The following MANF variants were observed in gnomAD, a reference collection of about 807,000 sequenced individuals.
MANF encodes mesencephalic astrocyte derived neurotrophic factor.
In MANF, 9 loss-of-function variants were observed where a neutral mutation model predicts 19.1. The ratio of observed to expected loss-of-function variants is 0.47; its 90% confidence interval spans 0.28 to 0.82. The LOEUF (loss-of-function observed/expected upper bound fraction) is 0.82. Among genes scored for constraint, MANF ranks in the 40% least tolerant of loss-of-function variants. The probability of loss-of-function intolerance (pLI) is 0.10; values close to 1 mark genes in which losing one functional copy is unlikely to be tolerated. For synonymous variants in MANF, 89 were observed against 88.0 expected (o/e 1.01, Z -0.06); for missense variants, 225 against 226.7 (o/e 0.99, Z 0.05).
chr3:51,385,331 AG>A lies in MANF; in HGVS notation c.-10del. On this transcript the variant is annotated 5_prime_UTR_variant, in exon 1 of 4. Transcript: ENST00000528157. ...GCAGCGGAGGAGGAGGAGGAGGAGGAGGATGAGGAGGATGAGGAGGATGTGG... is the reference window on the plus strand; with the variant it reads ...GCAGCGGAGGAGGAGGAGGAGGAGGAGATGAGGAGGATGAGGAGGATGTGG... 9.1e-7 allele frequency: 1 copy of A among 1,096,524 alleles called. No individual in the cohort carries two copies. The highest frequency in any genetic ancestry group is 4.4e-5 in the Admixed American group (1 of 22,722). The allele number at this position is 1,096,524 out of a possible 1,614,324, so 67.9% of individuals were successfully genotyped here.
chr3:51,385,368 G>A lies in MANF; in HGVS notation c.26G>A (p.Gly9Glu). The A allele has an allele frequency of 1.6e-6, 2 of 1,240,028 alleles. No individual in the cohort carries two copies. The highest frequency in any genetic ancestry group is 2.0e-6 in the Non-Finnish European group (2 of 989,936). The allele number at this position is 1,240,028 out of a possible 1,614,324, so 76.8% of individuals were successfully genotyped here. Residue 9 changes from glycine (G) to glutamate (E), a missense_variant, in exon 1 of 4, where the codon GGG becomes GAG. Coordinates refer to ENST00000528157, the MANE Select transcript of MANF (RefSeq NM_006010.6). MRRMWATQ[G>E]LAVALALSVL... The stretch of plus-strand genomic sequence containing the variant: ...ATGAGGAGGATGTGGGCCACGCAGG[G>A]GCTGGCGGTGGCGCTGGCTCTGAGC...
At chr3:51,386,912 T>C (rs1553620967) in intron 2 of MANF, 1 of 456,772 alleles carries the variant, frequency 2.2e-6, no homozygotes, top group African/African-American at 2.0e-5. Context: ...GTTAAAGGTT[T>C]GAACCCTGGT....
intron 2 of MANF, chr3:51,386,807 C>T (rs1172214694): frequency 6.6e-6 from 3 of 452,534 alleles, no homozygotes; most frequent in Non-Finnish European, 1.3e-5. Flanking sequence ...AGGGTGCCTA[C>T]AGGATAGGCA....
rs1177863885 is a variant in MANF, at chr3:51,385,419, G to T, written c.77G>T (p.Arg26Leu). 2 of 1,236,666 alleles carry T rather than the reference G, an allele frequency of 1.6e-6. No homozygotes were observed. The highest frequency in any genetic ancestry group is 1.0e-6 in the Non-Finnish European group (1 of 989,296). 76.6% of individuals were successfully genotyped at this position (1,236,666 alleles called of 1,614,324 possible). ...LSVLPGSRALRPGDCEVCISY... is the reference protein window; with the variant it reads ...LSVLPGSRALLPGDCEVCISY... ...GTGCTGCCGGGCAGCCGGGCGCTGCGGCCGGGCGACTGCGAAGGTGCGGGA... is the reference window on the plus strand; with the variant it reads ...GTGCTGCCGGGCAGCCGGGCGCTGCTGCCGGGCGACTGCGAAGGTGCGGGA... Residue 26 changes from arginine (R) to leucine (L), a missense_variant, in exon 1 of 4, where the codon CGG becomes CTG. By Grantham distance (102) the Arg-to-Leu change is moderately radical. Coordinates refer to ENST00000528157, the MANE Select transcript of MANF (RefSeq NM_006010.6).
At chr3:51,386,975 G>C (rs1314704862) in intron 2 of MANF, 1 of 456,714 alleles carries the variant, frequency 2.2e-6, no homozygotes, top group Admixed American at 2.3e-5. Context: ...TGTGTTAAGA[G>C]TCCAGGGTTT....
chr3:51,386,745 G>C (rs2088965795), intron 2 of MANF, among the ~76,000 whole-genome samples: 1 of 152,236 alleles, frequency 6.6e-6, no homozygotes, highest in Non-Finnish European at 1.5e-5. Context: ...AGCAGTGTGA[G>C]TGCCCAGAGG....
At chr3:51,388,840 C>T in intron 3 of MANF, 65 bp from the exon 4 acceptor site, 1 of 1,264,808 alleles carries the variant, frequency 7.9e-7, no homozygotes, top group African/African-American at 1.5e-5. Flanking sequence ...GTGACATACT[C>T]TGGGACTACT....
At chr3:51,387,677 A>G in intron 2 of MANF, 60 bp from the exon 3 acceptor site, 1 of 1,516,644 alleles carries the variant, frequency 6.6e-7, no homozygotes, top group Non-Finnish European at 9.0e-7. Flanking sequence ...AGGTGTCAGT[A>G]TGTTTGGAGG....
rs1413835157 is a variant in MANF, at chr3:51,385,328, A to C, written c.-15A>C. 2 of 1,097,036 alleles carry C rather than the reference A, an allele frequency of 1.8e-6. No individual in the cohort carries two copies. Among genetic ancestry groups the C allele is most frequent in the Non-Finnish European group, 2.3e-6 (2 of 866,124 alleles). 68.0% of individuals were successfully genotyped at this position (1,097,036 alleles called of 1,614,324 possible). On this transcript the variant is annotated 5_prime_UTR_variant, in exon 1 of 4. Coordinates refer to ENST00000528157, the MANE Select transcript of MANF (RefSeq NM_006010.6). The stretch of plus-strand genomic sequence containing the variant: ...GCGGCAGCGGAGGAGGAGGAGGAGG[A>C]GGAGGATGAGGAGGATGAGGAGGAT...
intron 2 of MANF, chr3:51,387,088 C>T (rs2088970006): frequency 2.8e-6 from 1 of 361,806 alleles, no homozygotes; most frequent in Non-Finnish European, 5.5e-6. Context: ...TTTGGGAGGC[C>T]AAGGTGGGAG....
In MANF at chr3:51,387,543, G is replaced by A; in HGVS notation, c.223-194G>A. 3.8e-6 allele frequency: 2 copies of A among 531,238 alleles called. 1 individual carries two copies. The highest frequency in any genetic ancestry group is 6.8e-6 in the Non-Finnish European group (2 of 295,252). 32.9% of individuals were successfully genotyped at this position (531,238 alleles called of 1,614,324 possible). A position where few individuals can be genotyped will look rare whatever the true frequency, so the allele number is the denominator to read the frequency against. On this transcript the variant is annotated intron_variant, in intron 2 of 3. Coordinates refer to ENST00000528157, the MANE Select transcript of MANF (RefSeq NM_006010.6). ...CCAGCTACTAGGGTGGCTGAGAGGG[G>A]AGGATCACCACCCAACAGATTGAAG...
intron 2 of MANF, 47 bp downstream of exon 2, chr3:51,386,382 C>A: frequency 1.9e-6 from 3 of 1,606,518 alleles, no homozygotes; most frequent in Middle Eastern, 1.7e-4. Flanking sequence ...TCATGTTAAC[C>A]CTCGGCTTCA....
At chr3:51,387,939 T>TG (rs1186431104) in intron 3 of MANF, 61 bp downstream of exon 3, 1 of 1,553,052 alleles carries the variant, frequency 6.4e-7, no homozygotes, top group Non-Finnish European at 8.8e-7. Context: ...GTTTCCCATC[T>TG]GGGAGAGGAA....
chr3:51,385,348 G>A lies in MANF; in HGVS notation c.6G>A (p.Arg2=). The A allele has an allele frequency of 8.1e-7, 1 of 1,239,004 alleles. No homozygotes were observed. The highest frequency in any genetic ancestry group is 3.1e-5 in the East Asian group (1 of 31,768). 76.8% of individuals were successfully genotyped at this position (1,239,004 alleles called of 1,614,324 possible). A position where few individuals can be genotyped will look rare whatever the true frequency, so the allele number is the denominator to read the frequency against. ...GGAGGAGGAGGATGAGGAGGATGAGGAGGATGTGGGCCACGCAGGGGCTGG... is the reference window on the plus strand; with the variant it reads ...GGAGGAGGAGGATGAGGAGGATGAGAAGGATGTGGGCCACGCAGGGGCTGG... M[R]RMWATQGLAV... The change falls in exon 1 of 4, where the codon AGG becomes AGA. Residue 2 remains arginine (R), a synonymous_variant. Coordinates refer to ENST00000528157, the MANE Select transcript of MANF (RefSeq NM_006010.6).
intron 2 of MANF, among the ~76,000 whole-genome samples, chr3:51,387,244 CAGG>C (rs1485068782): frequency 1.3e-5 from 2 of 152,208 alleles, no homozygotes; most frequent in Admixed American, 1.3e-4. Context: ...CACCTGAGGT[CAGG>C]AGTTCAAGAC....
At chr3:51,385,485 G>A (rs1304191151) in intron 1 of MANF, 49 bp downstream of exon 1, 6 of 1,130,634 alleles carry the variant, frequency 5.3e-6, no homozygotes, top group Non-Finnish European at 6.7e-6. Context: ...TTCTGGCGGC[G>A]GCGCTGAACC....
Position 51,387,629 on chromosome 3 carries a change from A to C in MANF, c.223-108A>C, listed in dbSNP as rs1003256690. 3.0e-5 allele frequency: 33 copies of C among 1,112,040 alleles called. No individual in the cohort carries two copies. In the African/African-American group the frequency reaches 4.8e-4, roughly 16 times the overall value. 68.9% of individuals were successfully genotyped at this position (1,112,040 alleles called of 1,614,324 possible). A position where few individuals can be genotyped will look rare whatever the true frequency, so the allele number is the denominator to read the frequency against. On this transcript the variant is annotated intron_variant, in intron 2 of 3. Coordinates refer to ENST00000528157, the MANE Select transcript of MANF (RefSeq NM_006010.6). ...CCTGGGTGACAGGGAGCCCTATCTC[A>C]AAACACAAGTAAGGCCCTACAGAGA...
chr3:51,386,540 A>C (rs1440758430), intron 2 of MANF, among the ~76,000 whole-genome samples: 1 of 152,206 alleles, frequency 6.6e-6, no homozygotes, highest in Non-Finnish European at 1.5e-5. Context: ...TTATCCTGTT[A>C]GTCTTTATTA....
chr3:51,386,983 T>A (rs926513965), intron 2 of MANF: 1 of 456,448 alleles, frequency 2.2e-6, no homozygotes, highest in Non-Finnish European at 4.4e-6. Flanking sequence ...GAGTCCAGGG[T>A]TTACACTGGC....
Sources: gnomAD v4.1 joint callset for allele counts (sites outside exome capture counted in the v4.1 genomes callset) on GRCh38, gnomAD v4.1.1 for gene constraint, MANE v1.5 for transcripts, NCBI Gene and HGNC (gene_info 2026-07-23, HGNC 2026-07-21) for gene names.